CDC40: variants seen among roughly 807,000 people sequenced by gnomAD.
CDC40 encodes the protein pre-mRNA-processing factor 17.
CDC40 carries 27 observed loss-of-function variants against 80.6 expected under a neutral mutation model. The ratio of observed to expected loss-of-function variants is 0.33; its 90% CI spans 0.25 to 0.46. The LOEUF is 0.46. Ranked by LOEUF, CDC40 falls within the 20% of genes least tolerant of loss-of-function variation. The pLI is 1.00. For missense variants in CDC40, 486 were observed against 694.1 expected, an observed-to-expected ratio of 0.70 and a Z score of 3.37; for synonymous variants, 221 against 232.6, an observed-to-expected ratio of 0.95 and a Z score of 0.45.
At chr6:110,184,689 G>A (rs1777242360) in intron 1 of CDC40, among the ~76,000 whole-genome samples, 1 of 151,972 alleles carries the variant, frequency 6.6e-6, no homozygotes, top group Non-Finnish European at 1.5e-5. Context: ...TAAAAAGGAT[G>A]TACCAGGCAA....
intron 1 of CDC40, among the ~76,000 whole-genome samples, chr6:110,189,874 C>T (rs1777321705): frequency 1.3e-5 from 2 of 152,324 alleles, no homozygotes; most frequent in South Asian, 2.1e-4. Context: ...TCCTCATTTA[C>T]ACCTCTGCCT....
chr6:110,207,177 T>C (rs1777573754), intron 3 of CDC40, among the ~76,000 whole-genome samples: 1 of 151,632 alleles, frequency 6.6e-6, no homozygotes, highest in Admixed American at 6.6e-5. Flanking sequence ...TAGCTAGGGG[T>C]AATGACGCAT....
At chr6:110,201,791 C>A in intron 3 of CDC40, 104 bp downstream of exon 3, 1 of 910,226 alleles carries the variant, frequency 1.1e-6, no homozygotes, top group Non-Finnish European at 1.7e-6. Context: ...TCACTGGATT[C>A]CTTCAGAAAG....
At chr6:110,221,204 A>G (rs1777771698) in intron 12 of CDC40, among the ~76,000 whole-genome samples, 2 of 152,334 alleles carry the variant, frequency 1.3e-5, no homozygotes, top group Non-Finnish European at 2.9e-5. Flanking sequence ...TTTTACAGTC[A>G]GTTATGAAGC....
At position 110,229,946 on chromosome 6, in the gene CDC40, C is replaced by T; in HGVS notation, c.1563-8C>T. 1 of 1,572,508 alleles carries T rather than the reference C, an allele frequency of 6.4e-7. No homozygotes were observed. The highest frequency in any genetic ancestry group is 8.7e-7 in the Non-Finnish European group (1 of 1,144,182). On this transcript the variant is annotated splice_region_variant and splice_polypyrimidine_tract_variant and intron_variant, in intron 14 of 14. Transcript: ENST00000307731. ...AATAATTTGAATTTATCTTTCTTCC[C>T]ATTATAGTTATGTGATTTCAGGAGA...
chr6:110,188,745 A>G (rs1248066167), intron 1 of CDC40, among the ~76,000 whole-genome samples: 2 of 152,184 alleles, frequency 1.3e-5, no homozygotes, highest in Non-Finnish European at 1.5e-5. Flanking sequence ...ATGATGGTCA[A>G]TGTTTTCTAG....
At chr6:110,219,908 C>G in intron 12 of CDC40, 39 bp downstream of exon 12, 1 of 1,589,890 alleles carries the variant, frequency 6.3e-7, no homozygotes, top group Non-Finnish European at 8.6e-7. Context: ...TTACATAAAG[C>G]AAGCAGTTAA....
At chr6:110,228,406 C>A (rs372610067) in intron 13 of CDC40, among the ~76,000 whole-genome samples, 16 of 151,920 alleles carry the variant, frequency 1.1e-4, no homozygotes, top group African/African-American at 2.9e-4. Context: ...TATTTAATAA[C>A]CCTAGGCTTT....
chr6:110,223,757 C>T (rs1281146667), intron 12 of CDC40, among the ~76,000 whole-genome samples: 1 of 152,126 alleles, frequency 6.6e-6, no homozygotes, highest in African/African-American at 2.4e-5. Context: ...CTCTTATGTT[C>T]TAAAGGAGAA....
chr6:110,198,492 T>A (rs1777448685), intron 2 of CDC40, among the ~76,000 whole-genome samples: 1 of 151,950 alleles, frequency 6.6e-6, no homozygotes, highest in African/African-American at 2.4e-5. Flanking sequence ...TGGCTATTTA[T>A]ATGTCTTTTG....
chr6:110,208,583 T>C (rs970001636), intron 4 of CDC40, among the ~76,000 whole-genome samples: 9 of 152,186 alleles, frequency 5.9e-5, no homozygotes, highest in African/African-American at 2.2e-4. Context: ...ATTTACATTT[T>C]TGCATTACAA....
chr6:110,224,270 A>G (rs907297646), intron 12 of CDC40: 1 of 152,166 alleles, frequency 6.6e-6, no homozygotes, highest in African/African-American at 2.4e-5. Flanking sequence ...TCAGACTTTT[A>G]TTAGGTTTTT....
chr6:110,194,853 T>C (rs1291115979), intron 2 of CDC40, among the ~76,000 whole-genome samples: 1 of 152,246 alleles, frequency 6.6e-6, no homozygotes, highest in Non-Finnish European at 1.5e-5. Context: ...ATTTCATGCA[T>C]AACTAATACA....
intron 8 of CDC40, among the ~76,000 whole-genome samples, chr6:110,215,058 T>C (rs533637154): frequency 6.6e-6 from 1 of 152,288 alleles, no homozygotes; most frequent in East Asian, 1.9e-4. Flanking sequence ...TAAAACTCTT[T>C]AGTTTTGAGC....
In CDC40 at chr6:110,219,768, A is replaced by G. The variant is rs1470293634; in HGVS notation, c.1239A>G (p.Glu413=). 5.0e-6 allele frequency: 8 copies of G among 1,614,104 alleles called. No homozygotes were observed. Among genetic ancestry groups the G allele is most frequent in the Non-Finnish European group, 5.1e-6 (6 of 1,179,968 alleles). The change falls in exon 12 of 15, where the codon GAA becomes GAG. Residue 413 remains glutamate (E), a synonymous_variant. Transcript: ENST00000307731. ...TTCGAAGTGGAGAAATTGTGCAGGA[A>G]TATGATCGGCATTTGGGAGCTGTCA... ...WDIRSGEIVQ[E]YDRHLGAVNT...
rs1777935548 is a variant in CDC40, at chr6:110,231,359, G to C, written c.*1228G>C. The C allele has an allele frequency of 6.6e-6, 1 of 152,274 alleles. No homozygotes were observed. The highest frequency in any genetic ancestry group is 1.5e-5 in the Non-Finnish European group (1 of 68,140). The allele number at this position is 152,274 out of a possible 1,614,324, so 9.4% of individuals were successfully genotyped here. On this transcript the variant is annotated 3_prime_UTR_variant, in exon 15 of 15. Transcript: ENST00000307731. ...TACTAAAAACACAAAAATTAGCCAGGCTTGGTGGCTGGCGCCTGTAATTCC... is the reference window on the plus strand; with the variant it reads ...TACTAAAAACACAAAAATTAGCCAGCCTTGGTGGCTGGCGCCTGTAATTCC...
Position 110,215,447 on chromosome 6 carries a change from G to A in CDC40, c.988+116G>A, listed in dbSNP as rs1365412013. On this transcript the variant is annotated intron_variant, in intron 9 of 14. Transcript: ENST00000307731. ...AGTAAACTCTTCATAGATTTCAGCT[G>A]AATCTGGAAGGAGGAGTCAGTGTCC... 3.7e-6 allele frequency: 3 copies of A among 821,294 alleles called. No homozygotes were observed. In the Admixed American group the frequency reaches 6.4e-5, roughly 17 times the overall value. 50.9% of individuals were successfully genotyped at this position (821,294 alleles called of 1,614,324 possible). A position where few individuals can be genotyped will look rare whatever the true frequency, so the allele number is the denominator to read the frequency against.
intron 1 of CDC40, among the ~76,000 whole-genome samples, chr6:110,183,333 T>C (rs751034579): frequency 1.2e-4 from 18 of 152,164 alleles, no homozygotes; most frequent in Non-Finnish European, 1.8e-4. Context: ...GGTAAGAGAA[T>C]GGAATGAAAA....
chr6:110,218,166 G>A (rs1047373761), intron 10 of CDC40, among the ~76,000 whole-genome samples: 25 of 152,236 alleles, frequency 1.6e-4, no homozygotes, highest in African/African-American at 5.1e-4. Context: ...ATGTATTTGC[G>A]CAAATTGATT....
Sources: allele counts gnomAD v4.1 joint callset (sites outside exome capture counted in the v4.1 genomes callset), GRCh38; gene constraint gnomAD v4.1.1; transcripts MANE v1.5; gene names NCBI Gene and HGNC (gene_info 2026-07-23, HGNC 2026-07-21).